MKNK1: variants seen among roughly 807,000 people sequenced by gnomAD.
MKNK1 encodes the protein MAP kinase-interacting serine/threonine-protein kinase 1.
In MKNK1, 30 loss-of-function variants were observed where a neutral mutation model predicts 49.3. The observed-to-expected ratio is 0.61, with a 90% confidence interval of 0.46 to 0.83. The LOEUF is 0.83. MKNK1 is among the 40% of genes least tolerant of loss of function. MKNK1 has a pLI of 0.00. For synonymous variants in MKNK1, 176 were observed against 201.7 expected, an observed-to-expected ratio of 0.87 and a Z score of 1.08; for missense variants, 423 against 524.7, an observed-to-expected ratio of 0.81 and a Z score of 1.89.
At chr1:46,564,639 G>T (rs1366525751) in intron 9 of MKNK1, among the ~76,000 whole-genome samples, 1 of 151,796 alleles carries the variant, frequency 6.6e-6, no homozygotes, top group East Asian at 1.9e-4. Context: ...ACCATGCCTG[G>T]CTAATTTTGT....
chr1:46,599,657 G>T lies in MKNK1; in HGVS notation c.-171+4528C>A, dbSNP rs182694370. 2.6e-5 allele frequency among the ~76,000 whole-genome samples: 4 copies of T among 152,296 alleles called. No individual in the cohort carries two copies. The East Asian group carries it at 7.7e-4, about 29-fold the overall frequency. ...CAGAGAAAACCGAGCGCCAGTCAGG[G>T]CATTTGGAGCCTCTAGCATAAGGAA... On this transcript the variant is annotated intron_variant, in intron 1 of 12. Coordinates refer to ENST00000371945, the MANE Select transcript of MKNK1 (RefSeq NM_001135553.4).
chr1:46,568,436 A>G lies in MKNK1; in HGVS notation c.513+7T>C, dbSNP rs2148612218. 2 of 1,613,760 alleles carry G rather than the reference A, an allele frequency of 1.2e-6. No homozygotes were observed. The highest frequency in any genetic ancestry group is 8.5e-7 in the Non-Finnish European group (1 of 1,179,686). On this transcript the variant is annotated splice_region_variant and intron_variant, in intron 8 of 12. Coordinates refer to ENST00000371945, the MANE Select transcript of MKNK1 (RefSeq NM_001135553.4). ...AACTATAACATTCCAAATCAGGCCC[A>G]AAGTACCTTTTCTGGAGATTCACAC...
chr1:46,598,205 T>C (rs1423683677), intron 1 of MKNK1, among the ~76,000 whole-genome samples: 1 of 152,252 alleles, frequency 6.6e-6, no homozygotes, highest in Non-Finnish European at 1.5e-5. Flanking sequence ...ACTGTTATTG[T>C]ACTTTTGGCA....
intron 12 of MKNK1, among the ~76,000 whole-genome samples, chr1:46,559,500 G>GC (rs1667552584): frequency 6.6e-6 from 1 of 152,212 alleles, no homozygotes; most frequent in African/African-American, 2.4e-5. Context: ...GAGTCAAACA[G>GC]CCCAGGGCTG....
Position 46,594,212 on chromosome 1 carries a change from G to A in MKNK1, c.-102C>T, listed in dbSNP as rs780978342. 9 of 1,311,152 alleles carry A rather than the reference G, an allele frequency of 6.9e-6. No individual in the cohort carries two copies. Among genetic ancestry groups the A allele is most frequent in the Middle Eastern group, 1.8e-4 (1 of 5,506 alleles). 81.2% of individuals were successfully genotyped at this position (1,311,152 alleles called of 1,614,324 possible). On this transcript the variant is annotated 5_prime_UTR_variant, in exon 2 of 13. Coordinates refer to ENST00000371945, the MANE Select transcript of MKNK1 (RefSeq NM_001135553.4). ...GGAAGTTGGTGTCTTCCAGCTACAC[G>A]AAGTGTCTCAATGGCCTTTGTGCGT...
At chr1:46,578,631 G>C (rs1015528644) in intron 4 of MKNK1, among the ~76,000 whole-genome samples, 5 of 148,222 alleles carry the variant, frequency 3.4e-5, no homozygotes, top group Non-Finnish European at 7.4e-5. Context: ...CTGTTGTCCA[G>C]GGTGGAGTGC....
At chr1:46,600,434 C>G (rs1469699160) in intron 1 of MKNK1, among the ~76,000 whole-genome samples, 1 of 152,250 alleles carries the variant, frequency 6.6e-6, no homozygotes, top group Non-Finnish European at 1.5e-5. Context: ...CATTCTAAAA[C>G]TGCATTTACT....
At chr1:46,595,354 T>G (rs1673925762) in intron 1 of MKNK1, among the ~76,000 whole-genome samples, 1 of 152,140 alleles carries the variant, frequency 6.6e-6, no homozygotes, top group Non-Finnish European at 1.5e-5. Context: ...AACTGGAAGT[T>G]GGGTGTGTTT....
At chr1:46,602,271 G>C (rs1332223826) in intron 1 of MKNK1, among the ~76,000 whole-genome samples, 1 of 152,188 alleles carries the variant, frequency 6.6e-6, no homozygotes, top group Admixed American at 6.5e-5. Flanking sequence ...AATTAGCCGG[G>C]TGTGGTGGCT....
At chr1:46,575,650 CAGT>C (rs1470206969) in intron 5 of MKNK1, 3 of 152,254 alleles carry the variant, frequency 2.0e-5, no homozygotes, top group African/African-American at 7.2e-5. Context: ...TCTTGTAACT[CAGT>C]AGGGAAGCCA....
At position 46,568,928 on chromosome 1, in the gene MKNK1, TA is replaced by T. The variant is rs902880295; in HGVS notation, c.458-431del. On this transcript the variant is annotated intron_variant, in intron 7 of 12. Coordinates refer to ENST00000371945, the MANE Select transcript of MKNK1 (RefSeq NM_001135553.4). ...CTCATTTCTTCTTGTGTGGCCGATTTAAAAAAAAAAATTCCTTCAGTGCGAC... is the reference window on the plus strand; with the variant it reads ...CTCATTTCTTCTTGTGTGGCCGATTTAAAAAAAAAATTCCTTCAGTGCGAC... The T allele has an allele frequency of 1.8e-3, 279 of 154,460 alleles. 1 individual carries two copies. The highest frequency in any genetic ancestry group is 6.1e-3 in the South Asian group (32 of 5,208). The allele number at this position is 154,460 out of a possible 1,614,324, so 9.6% of individuals were successfully genotyped here.
chr1:46,562,699 A>G lies in MKNK1; in HGVS notation c.754T>C (p.Cys252Arg). ...CGGTCCCAGCCACAGTCGGCCCCGC[A>G]GTGACCCACGAAGGGTGGGTAGCCA... Reference protein sequence around the residue: ...LSGYPPFVGHCGADCGWDRGE... With the variant: ...LSGYPPFVGHRGADCGWDRGE... Residue 252 changes from cysteine to arginine, a missense_variant, in exon 10 of 13, where the codon TGC becomes CGC. By Grantham distance (180) the Cys-to-Arg change is radical. Transcript: ENST00000371945. The G allele has an allele frequency of 1.3e-6, 2 of 1,575,622 alleles. No individual in the cohort carries two copies. The highest frequency in any genetic ancestry group is 1.7e-6 in the Non-Finnish European group (2 of 1,159,454).
intron 7 of MKNK1, 42 bp from the exon 8 acceptor site, chr1:46,568,540 T>G (rs751715016): frequency 6.4e-7 from 1 of 1,567,650 alleles, no homozygotes; most frequent in Non-Finnish European, 8.8e-7. Context: ...CATATGCAGA[T>G]AATTATCAAA....
intron 1 of MKNK1, among the ~76,000 whole-genome samples, chr1:46,598,886 A>T (rs1674393128): frequency 6.6e-6 from 1 of 152,228 alleles, no homozygotes; most frequent in African/African-American, 2.4e-5. Context: ...GTCCCAAGCC[A>T]GGACATTAGC....
chr1:46,566,349 G>C (rs1279780750), intron 8 of MKNK1, among the ~76,000 whole-genome samples: 1 of 152,210 alleles, frequency 6.6e-6, no homozygotes, highest in African/African-American at 2.4e-5. Flanking sequence ...TTTTATGGCT[G>C]ACTAGTATTC....
At chr1:46,568,868 G>A (rs1215080095) in intron 7 of MKNK1, 1 of 191,614 alleles carries the variant, frequency 5.2e-6, no homozygotes, top group East Asian at 1.5e-4. Flanking sequence ...TTAGTGCCTT[G>A]TTTAAGAGCA....
At position 46,583,389 on chromosome 1, in the gene MKNK1, C is replaced by T. The variant is rs1008058462; in HGVS notation, c.-2-60G>A. The T allele has an allele frequency of 6.0e-6, 8 of 1,339,176 alleles. No individual in the cohort carries two copies. In the African/African-American group the frequency reaches 1.2e-4, roughly 20 times the overall value. The allele number at this position is 1,339,176 out of a possible 1,614,324, so 83.0% of individuals were successfully genotyped here. Reference sequence around the variant, plus strand: ...CTGTACTGATCAAGCTGTAAATTTACCCAGAAGGAAAAAAAAAAGGTAGTG... The same window carrying T: ...CTGTACTGATCAAGCTGTAAATTTATCCAGAAGGAAAAAAAAAAGGTAGTG... On this transcript the variant is annotated intron_variant, in intron 2 of 12. Transcript: ENST00000371945.
chr1:46,599,643 G>C (rs1268320925), intron 1 of MKNK1, among the ~76,000 whole-genome samples: 1 of 152,170 alleles, frequency 6.6e-6, no homozygotes, highest in African/African-American at 2.4e-5. Flanking sequence ...AGAGAAAACC[G>C]AGCGCCAGTC....
rs1670743163 is a variant in MKNK1, at chr1:46,575,001, C to CA, written c.297dup (p.Glu100Ter). 4 of 1,612,244 alleles carry CA rather than the reference C, an allele frequency of 2.5e-6. No homozygotes were observed. Among genetic ancestry groups the CA allele is most frequent in the Non-Finnish European group, 3.4e-6 (4 of 1,178,938 alleles). On this transcript the variant is annotated frameshift_variant, in exon 6 of 13. Transcript: ENST00000371945. LOFTEE classifies it high-confidence loss of function. ...AACCTTGTGTCATCTTCAAAGAACT[C>CA]AATCAGCTCCAAAATGTTCCTTAAA...
Sources: gnomAD v4.1 joint callset for allele counts (sites outside exome capture counted in the v4.1 genomes callset) on GRCh38, gnomAD v4.1.1 for gene constraint, MANE v1.5 for transcripts, NCBI Gene and HGNC (gene_info 2026-07-23, HGNC 2026-07-21) for gene names.